The following EP400 variants were observed in gnomAD, a reference collection of about 807,000 sequenced individuals.
The protein encoded by EP400 is E1A-binding protein p400.
EP400 carries 105 observed loss-of-function variants against 354.1 expected under a neutral mutation model. That is an observed-to-expected ratio of 0.30 (90% CI 0.25 to 0.35). The LOEUF (loss-of-function observed/expected upper bound fraction) is 0.35. Ranked by LOEUF, EP400 falls within the 10% of genes least tolerant of loss-of-function variation. The probability of loss-of-function intolerance (pLI) is 1.00; values close to 1 mark genes in which losing one functional copy is unlikely to be tolerated. For synonymous variants in EP400, 1,646 were observed against 1,716.9 expected (o/e 0.96, Z 1.02); for missense variants, 3,280 against 4,121.0 (o/e 0.80, Z 5.59).
Position 132,077,589 on chromosome 12 carries a change from C to T in EP400, c.9288C>T (p.Ser3096=), listed in dbSNP as rs749537510. The part of the protein sequence containing the change: ...APNPAQVPAS[S]DSPSQQPKLQ... Reference sequence around the variant, plus strand: ...ACCCAGCCCAGGTGCCCGCCAGCTCCGACAGCCCAAGCCAGCAGCCCAAGT... The same window carrying T: ...ACCCAGCCCAGGTGCCCGCCAGCTCTGACAGCCCAAGCCAGCAGCCCAAGT... The change falls in exon 53 of 53, where the codon TCC becomes TCT. Residue 3096 remains serine (S), a synonymous_variant. Coordinates refer to ENST00000389561, the MANE Select transcript of EP400 (RefSeq NM_015409.5). 5.0e-6 allele frequency: 8 copies of T among 1,613,820 alleles called. No individual in the cohort carries two copies. The East Asian group carries it at 6.7e-5, about 13-fold the overall frequency.
Position 131,982,086 on chromosome 12 carries a change from T to C in EP400, c.1544-7T>C. 1 of 1,504,340 alleles carries C rather than the reference T, an allele frequency of 6.6e-7. No homozygotes were observed. Among genetic ancestry groups the C allele is most frequent in the Non-Finnish European group, 8.8e-7 (1 of 1,132,226 alleles). 93.2% of individuals were successfully genotyped at this position (1,504,340 alleles called of 1,614,324 possible). A position where few individuals can be genotyped will look rare whatever the true frequency, so the allele number is the denominator to read the frequency against. ...TCAGTGCTTTTGGCACTTTTCTTAT[T>C]TTGCAGGAGGAATGCCCCCCACGCC... On this transcript the variant is annotated splice_polypyrimidine_tract_variant and splice_region_variant and intron_variant, in intron 4 of 52. Coordinates refer to ENST00000389561, the MANE Select transcript of EP400 (RefSeq NM_015409.5).
chr12:132,036,656 C>CT (rs981236170), intron 30 of EP400, among the ~76,000 whole-genome samples: 8 of 152,232 alleles, frequency 5.3e-5, no homozygotes, highest in Admixed American at 1.3e-4. Flanking sequence ...GCCATCCCCA[C>CT]TTTTTTTAGT....
At chr12:132,037,631 T>G in intron 30 of EP400, 51 bp from the exon 31 acceptor site, 1 of 1,455,798 alleles carries the variant, frequency 6.9e-7, no homozygotes, top group Non-Finnish European at 9.6e-7. Flanking sequence ...CCACCTGTTG[T>G]CACTGTGTTT....
At chr12:132,030,954 G>A (rs952164214) in intron 29 of EP400, among the ~76,000 whole-genome samples, 3 of 152,222 alleles carry the variant, frequency 2.0e-5, no homozygotes, top group Admixed American at 1.3e-4. Context: ...TTGCTGCCCT[G>A]TAAGTCGCGC....
At chr12:132,007,804 G>T (rs559114537) in intron 15 of EP400, among the ~76,000 whole-genome samples, 187 of 152,314 alleles carry the variant, frequency 1.2e-3, no homozygotes, top group Non-Finnish European at 2.0e-3. Context: ...AGGAGGGTCA[G>T]CTTAGGGAAG....
intron 12 of EP400, among the ~76,000 whole-genome samples, chr12:131,997,627 ATGT>A (rs1893260019): frequency 6.6e-6 from 1 of 152,094 alleles, no homozygotes; most frequent in African/African-American, 2.4e-5. Context: ...AGAAAAGAAA[ATGT>A]TGTTAAAAAA....
intron 2 of EP400, among the ~76,000 whole-genome samples, chr12:131,973,928 T>C (rs1246724331): frequency 6.6e-6 from 1 of 152,112 alleles, no homozygotes; most frequent in African/African-American, 2.4e-5. Flanking sequence ...AGTAATTATT[T>C]ATGGTTTTGT....
chr12:131,990,904 A>T lies in EP400; in HGVS notation c.2629+190A>T, dbSNP rs1893010839. 6.6e-6 allele frequency among the ~76,000 whole-genome samples: 1 copy of T among 152,082 alleles called. No homozygotes were observed. Among genetic ancestry groups the T allele is most frequent in the African/African-American group, 2.4e-5 (1 of 41,402 alleles). ...TGCTTCAGTGCTTTTGAGATGTGCT[A>T]GTGTGAGTCAGCACCCCCAAGTTGA... On this transcript the variant is annotated intron_variant, in intron 9 of 52. Coordinates refer to ENST00000389561, the MANE Select transcript of EP400 (RefSeq NM_015409.5). The surrounding 1 kb of genome is among the most constrained non-coding windows in gnomAD (Gnocchi z 4.2).
chr12:132,034,576 T>C (rs1487002673), intron 30 of EP400, among the ~76,000 whole-genome samples: 1 of 152,206 alleles, frequency 6.6e-6, no homozygotes, highest in Non-Finnish European at 1.5e-5. Flanking sequence ...TGCCCCACTA[T>C]GAGCCATGGG....
At chr12:132,009,222 G>A (rs1018752751) in intron 15 of EP400, among the ~76,000 whole-genome samples, 41 of 151,802 alleles carry the variant, frequency 2.7e-4, no homozygotes, top group African/African-American at 8.0e-4. Context: ...ATGAGCCATC[G>A]TGCCCAGCCT....
At chr12:131,987,595 A>T in intron 6 of EP400, 110 bp from the exon 7 acceptor site, 1 of 859,484 alleles carries the variant, frequency 1.2e-6, no homozygotes, top group Non-Finnish European at 1.7e-6. Flanking sequence ...TCTCTTTCTT[A>T]GTGCCTGACT....
intron 19 of EP400, among the ~76,000 whole-genome samples, chr12:132,016,450 C>T (rs886127157): frequency 1.3e-5 from 2 of 152,130 alleles, no homozygotes; most frequent in African/African-American, 4.8e-5. Context: ...CTCACTGCAA[C>T]CTCTGCCTCC....
rs892295336 is a variant in EP400, at chr12:132,025,339, G to T, written c.4856-307G>T. ...CTGTGATCTGGGAGTGGGGATGTCC[G>T]CCTCAGTACCTCGAACAGCATGGCA... On this transcript the variant is annotated intron_variant, in intron 24 of 52. Coordinates refer to ENST00000389561, the MANE Select transcript of EP400 (RefSeq NM_015409.5). This position sits in a 1 kb window ranked among gnomAD's most constrained non-coding sequence, Gnocchi z 4.1. 6.6e-6 allele frequency among the ~76,000 whole-genome samples: 1 copy of T among 152,100 alleles called. No individual in the cohort carries two copies. Among genetic ancestry groups the T allele is most frequent in the Non-Finnish European group, 1.5e-5 (1 of 68,024 alleles).
intron 15 of EP400, among the ~76,000 whole-genome samples, chr12:132,008,584 ATT>A (rs376833227): frequency 3.5e-5 from 5 of 143,034 alleles, no homozygotes; most frequent in South Asian, 2.2e-4. Flanking sequence ...TAGCCTATAC[ATT>A]TTTTTTTTTT....
chr12:131,960,835 G>C lies in EP400; in HGVS notation c.216G>C (p.Val72=), dbSNP rs148532222. 7 of 1,613,744 alleles carry C rather than the reference G, an allele frequency of 4.3e-6. No homozygotes were observed. Among genetic ancestry groups the C allele is most frequent in the South Asian group, 1.1e-5 (1 of 91,080 alleles). ...GGAGCCCTGCAACCGGGCAGAACGT[G>C]AACATCACCCTGCAGAGCGTGGGCC... ...MNRSPATGQN[V]NITLQSVGPV... Residue 72 remains valine (V), a synonymous_variant, in exon 2 of 53, where the codon GTG becomes GTC. Coordinates refer to ENST00000389561, the MANE Select transcript of EP400 (RefSeq NM_015409.5).
At chr12:131,963,723 T>G in intron 2 of EP400, 1 of 1,081,738 alleles carries the variant, frequency 9.2e-7, no homozygotes, top group African/African-American at 1.6e-5. Context: ...ATATACTACT[T>G]GCTCTTCAGC....
rs1893980845 is a variant in EP400 at position 132,017,428 on chromosome 12, T to G, written c.3924-107T>G. ...TAACTCATTAAGCGGACCTAGAAAA[T>G]CTGCTCCTGCCTGCCTTTCTGGAGT... On this transcript the variant is annotated intron_variant, in intron 19 of 52. Coordinates refer to ENST00000389561, the MANE Select transcript of EP400 (RefSeq NM_015409.5). The surrounding 1 kb of genome is among the most constrained non-coding windows in gnomAD (Gnocchi z 5.0). 8.1e-7 allele frequency: 1 copy of G among 1,237,988 alleles called. No homozygotes were observed. The highest frequency in any genetic ancestry group is 1.1e-6 in the Non-Finnish European group (1 of 880,972). 76.7% of individuals were successfully genotyped at this position (1,237,988 alleles called of 1,614,324 possible).
rs148018438 is a variant in EP400, at chr12:132,014,020, G to T, written c.3923+107G>T. On this transcript the variant is annotated intron_variant, in intron 19 of 52. Coordinates refer to ENST00000389561, the MANE Select transcript of EP400 (RefSeq NM_015409.5). The stretch of plus-strand genomic sequence containing the variant: ...AAGCTCCTTTCCGCAAGGATTGGGT[G>T]TCTGGAGCTGGAGACCGAGGCACCC... The T allele has an allele frequency of 2.5e-4, 377 of 1,483,692 alleles. 3 individuals carry two copies. The East Asian group carries it at 7.6e-3, about 30-fold the overall frequency. 91.9% of individuals were successfully genotyped at this position (1,483,692 alleles called of 1,614,324 possible).
chr12:131,994,236 T>C lies in EP400; in HGVS notation c.2738-631T>C, dbSNP rs764622537. ...TGATGGTAGGAAGGGAGAGATGTTA[T>C]GTTAGATTGTGAGAGAAGAAAAGTT... On this transcript the variant is annotated intron_variant, in intron 11 of 52. Coordinates refer to ENST00000389561, the MANE Select transcript of EP400 (RefSeq NM_015409.5). This position sits in a 1 kb window ranked among gnomAD's most constrained non-coding sequence, Gnocchi z 4.6. Among the ~76,000 whole-genome samples, 5 of 151,956 alleles carry C rather than the reference T, an allele frequency of 3.3e-5. No individual in the cohort carries two copies. Among genetic ancestry groups the C allele is most frequent in the Admixed American group, 6.6e-5 (1 of 15,250 alleles).
Sources: allele counts gnomAD v4.1 joint callset (sites outside exome capture counted in the v4.1 genomes callset), GRCh38; gene constraint gnomAD v4.1.1; non-coding constraint Gnocchi (gnomAD v3.1); transcripts MANE v1.5; gene names NCBI Gene and HGNC (gene_info 2026-07-23, HGNC 2026-07-21).